EVI5: variants seen among roughly 807,000 people sequenced by gnomAD.
EVI5 encodes the protein ecotropic viral integration site 5, also known as ecotropic viral integration site 5 protein homolog.
In EVI5, 73 loss-of-function variants were observed where a neutral mutation model predicts 112.0. That is an observed-to-expected ratio of 0.65 (90% CI 0.54 to 0.79). EVI5 has a LOEUF of 0.79. Among genes scored for constraint, EVI5 ranks in the 30% least tolerant of loss-of-function variants. The probability of loss-of-function intolerance (pLI) is 0.00; values close to 1 mark genes in which losing one functional copy is unlikely to be tolerated. For missense variants in EVI5, 900 were observed against 968.8 expected, an observed-to-expected ratio of 0.93 and a Z score of 0.94; for synonymous variants, 305 against 319.9, an observed-to-expected ratio of 0.95 and a Z score of 0.50.
chr1:92,553,688 T>C (rs1667303745), intron 19 of EVI5, among the ~76,000 whole-genome samples: 2 of 151,734 alleles, frequency 1.3e-5, no homozygotes, highest in South Asian at 4.2e-4. Flanking sequence ...CCAACCTCGG[T>C]CTCACATAGT....
chr1:92,574,109 G>T (rs1474707397), intron 18 of EVI5, among the ~76,000 whole-genome samples: 3 of 152,134 alleles, frequency 2.0e-5, no homozygotes, highest in African/African-American at 4.8e-5. Flanking sequence ...AGTAATTCTG[G>T]TGTTTGATTA....
At chr1:92,674,602 G>A (rs958733524) in intron 10 of EVI5, among the ~76,000 whole-genome samples, 3 of 151,836 alleles carry the variant, frequency 2.0e-5, no homozygotes, top group African/African-American at 7.3e-5. Flanking sequence ...GGGTTAATGG[G>A]TGCAGCAAAC....
intron 18 of EVI5, among the ~76,000 whole-genome samples, chr1:92,603,458 G>A (rs1649626041): frequency 6.6e-6 from 1 of 151,994 alleles, no homozygotes; most frequent in Non-Finnish European, 1.5e-5. Context: ...GTCCATCAAT[G>A]AATGAACAGA....
chr1:92,520,514 A>T (rs1660725902), intron 19 of EVI5, among the ~76,000 whole-genome samples: 1 of 152,162 alleles, frequency 6.6e-6, no homozygotes, highest in Non-Finnish European at 1.5e-5. Context: ...AGAATGAAAA[A>T]GAGATAAATC....
At chr1:92,706,682 G>A (rs931087280) in intron 2 of EVI5, among the ~76,000 whole-genome samples, 1 of 152,146 alleles carries the variant, frequency 6.6e-6, no homozygotes, top group Non-Finnish European at 1.5e-5. Context: ...CGTGGCATTC[G>A]TGGGTTAGAG....
chr1:92,522,348 T>G (rs995313495), intron 19 of EVI5, among the ~76,000 whole-genome samples: 1 of 152,096 alleles, frequency 6.6e-6, no homozygotes, highest in Admixed American at 6.6e-5. Flanking sequence ...GCTAAGAATT[T>G]ATACCTTTGC....
intron 2 of EVI5, among the ~76,000 whole-genome samples, chr1:92,734,161 T>C (rs779831618): frequency 3.3e-5 from 5 of 152,238 alleles, no homozygotes; most frequent in Admixed American, 6.5e-5. Flanking sequence ...AATCTCCTAA[T>C]TTTTGCATGA....
chr1:92,699,991 A>G (rs1282574528), intron 5 of EVI5, among the ~76,000 whole-genome samples: 6 of 152,226 alleles, frequency 3.9e-5, no homozygotes, highest in Admixed American at 3.9e-4. Context: ...ACATTTTAAA[A>G]AATAAGTTGA....
intron 19 of EVI5, among the ~76,000 whole-genome samples, chr1:92,533,958 G>A (rs929252518): frequency 6.6e-6 from 1 of 152,094 alleles, no homozygotes; most frequent in South Asian, 2.1e-4. Flanking sequence ...AGAAATAAAG[G>A]GTATTCAATT....
Position 92,695,393 on chromosome 1 carries a change from C to T in EVI5, c.826G>A (p.Ala276Thr), listed in dbSNP as rs774693301. Residue 276 changes from alanine to threonine, a missense_variant, in exon 7 of 20, where the codon GCA (alanine) becomes ACA (threonine). Coordinates refer to ENST00000684568, the MANE Select transcript of EVI5 (RefSeq NM_001350197.2). ...AAGATAGTCAGAAACCAGGATGATG[C>T]ATACATTGAGGTATGAAAACTCTGA... is the stretch of plus-strand genomic sequence containing the variant. ...QSQSFHTSMY[A>T]SSWFLTIFLT... 7 of 1,604,502 alleles carry T rather than the reference C, an allele frequency of 4.4e-6. No individual in the cohort carries two copies. The East Asian group carries it at 1.6e-4, about 36-fold the overall frequency.
At chr1:92,538,472 T>C (rs1417839320) in intron 19 of EVI5, among the ~76,000 whole-genome samples, 2 of 152,240 alleles carry the variant, frequency 1.3e-5, no homozygotes, top group South Asian at 2.1e-4. Context: ...TTGGATTCTG[T>C]TCAGAGGAAA....
intron 11 of EVI5, among the ~76,000 whole-genome samples, chr1:92,663,984 G>A (rs1188121264): frequency 3.3e-5 from 5 of 152,186 alleles, no homozygotes; most frequent in African/African-American, 9.7e-5. Flanking sequence ...CTGGCCTTAC[G>A]CAATCCTCTT....
intron 13 of EVI5, among the ~76,000 whole-genome samples, chr1:92,660,397 C>A (rs142607739): frequency 2.2e-4 from 34 of 151,924 alleles, no homozygotes; most frequent in African/African-American, 7.7e-4. Context: ...ACTGAGAATA[C>A]AATAGTGGTT....
intron 9 of EVI5, among the ~76,000 whole-genome samples, chr1:92,683,167 A>C (rs916944108): frequency 6.6e-6 from 1 of 152,142 alleles, no homozygotes; most frequent in Admixed American, 6.5e-5. Context: ...CCCCATGATC[A>C]CAATTCTACT....
Position 92,680,618 on chromosome 1 carries a change from G to A in EVI5, c.1098-3400C>T, listed in dbSNP as rs183909091. Among the ~76,000 whole-genome samples, 25 of 152,250 alleles carry A rather than the reference G, an allele frequency of 1.6e-4. No individual in the cohort carries two copies. In the East Asian group the frequency reaches 4.6e-3, roughly 28 times the overall value. ...TTACTACATAATCTCAAAGTAGCCT[G>A]CCACAAATTACTTATTACAAAAGGG... is the stretch of plus-strand genomic sequence containing the variant. On this transcript the variant is annotated intron_variant, in intron 9 of 19. Coordinates refer to ENST00000684568, the MANE Select transcript of EVI5 (RefSeq NM_001350197.2).
chr1:92,784,004 T>G (rs999332226), intron 1 of EVI5, among the ~76,000 whole-genome samples: 1 of 152,042 alleles, frequency 6.6e-6, no homozygotes. Flanking sequence ...AAGAAAGGAG[T>G]TTATTATTCA....
chr1:92,585,465 G>C (rs1672629023), intron 18 of EVI5, among the ~76,000 whole-genome samples: 1 of 151,910 alleles, frequency 6.6e-6, no homozygotes, highest in Non-Finnish European at 1.5e-5. Flanking sequence ...CTCTGTCCTG[G>C]GCAACAGAGC....
At chr1:92,676,049 C>G (rs1426285718) in intron 10 of EVI5, among the ~76,000 whole-genome samples, 1 of 137,734 alleles carries the variant, frequency 7.3e-6, no homozygotes, top group East Asian at 2.2e-4. Flanking sequence ...AAGGAAAAAA[C>G]ATCCACAGGG....
chr1:92,547,525 A>T (rs1665958189), intron 19 of EVI5, among the ~76,000 whole-genome samples: 1 of 152,242 alleles, frequency 6.6e-6, no homozygotes, highest in Admixed American at 6.5e-5. Context: ...AGATAGAGAC[A>T]CAAAAAACCC....
Sources: allele counts gnomAD v4.1 joint callset (sites outside exome capture counted in the v4.1 genomes callset), GRCh38; gene constraint gnomAD v4.1.1; transcripts MANE v1.5; gene names NCBI Gene and HGNC (gene_info 2026-07-23, HGNC 2026-07-21).